CCDC178: variants seen among roughly 807,000 people sequenced by gnomAD.
CCDC178 encodes coiled-coil domain containing 178, also known as coiled-coil domain-containing protein 178.
CCDC178 carries 126 observed loss-of-function variants against 117.4 expected under a neutral mutation model. That is an observed-to-expected ratio of 1.07 (90% CI 0.93 to 1.24). The LOEUF is 1.24. Ranked by LOEUF, CCDC178 falls within the 50% of genes most tolerant of loss-of-function variation. CCDC178 has a pLI of 0.00. For missense variants in CCDC178, 1,030 were observed against 986.9 expected, an observed-to-expected ratio of 1.04 and a Z score of -0.59; for synonymous variants, 283 against 313.4, an observed-to-expected ratio of 0.90 and a Z score of 1.02.
intron 21 of CCDC178, among the ~76,000 whole-genome samples, chr18:32,982,371 G>A (rs1193693654): frequency 1.3e-5 from 2 of 152,026 alleles, no homozygotes; most frequent in Non-Finnish European, 1.5e-5. Context: ...ACTATAAATT[G>A]TTTTGCCAGG....
chr18:32,999,396 C>T (rs149728931), intron 21 of CCDC178, among the ~76,000 whole-genome samples: 1 of 152,190 alleles, frequency 6.6e-6, no homozygotes, highest in Admixed American at 6.5e-5. Context: ...TGGACCCACT[C>T]AGGGCCAGGG....
intron 22 of CCDC178, among the ~76,000 whole-genome samples, chr18:32,944,368 T>C (rs926947792): frequency 1.3e-5 from 2 of 152,132 alleles, no homozygotes; most frequent in African/African-American, 4.8e-5. Flanking sequence ...GCTAAAGATA[T>C]ATTTGGAAAG....
At chr18:33,398,863 CAAT>C (rs913248609) in intron 3 of CCDC178, among the ~76,000 whole-genome samples, 2 of 152,062 alleles carry the variant, frequency 1.3e-5, no homozygotes, top group Admixed American at 6.6e-5. Context: ...ATATCTAAAA[CAAT>C]AAAATATTTC....
intron 22 of CCDC178, among the ~76,000 whole-genome samples, chr18:32,968,094 C>T (rs944832093): frequency 6.6e-6 from 1 of 151,754 alleles, no homozygotes; most frequent in Non-Finnish European, 1.5e-5. Flanking sequence ...ACTTATTTCT[C>T]CTGTCTAATT....
At chr18:33,011,403 C>T (rs1302778304) in intron 21 of CCDC178, among the ~76,000 whole-genome samples, 1 of 152,032 alleles carries the variant, frequency 6.6e-6, no homozygotes, top group Non-Finnish European at 1.5e-5. Context: ...AGATGTTTTG[C>T]TTTGGTGATA....
intron 8 of CCDC178, among the ~76,000 whole-genome samples, chr18:33,347,145 T>TG (rs2062907343): frequency 6.6e-6 from 1 of 152,138 alleles, no homozygotes; most frequent in African/African-American, 2.4e-5. Flanking sequence ...GTCCTATCCT[T>TG]GTAGGACTGA....
chr18:33,070,175 G>C (rs965852381), intron 21 of CCDC178, among the ~76,000 whole-genome samples: 10 of 151,958 alleles, frequency 6.6e-5, no homozygotes, highest in Non-Finnish European at 1.0e-4. Flanking sequence ...CACTACTGGG[G>C]TATTTATCCA....
At chr18:33,191,128 T>C (rs904592301) in intron 20 of CCDC178, among the ~76,000 whole-genome samples, 1 of 152,166 alleles carries the variant, frequency 6.6e-6, no homozygotes, top group Non-Finnish European at 1.5e-5. Context: ...TCTAAGAAAT[T>C]AGATTACCAC....
rs769033795 is a variant in CCDC178, at chr18:33,212,000, G to A, written c.2134C>T (p.His712Tyr). The A allele has an allele frequency of 5.0e-6, 8 of 1,606,656 alleles. No homozygotes were observed. Among genetic ancestry groups the A allele is most frequent in the South Asian group, 3.3e-5 (3 of 89,990 alleles). Residue 712 changes from histidine (H) to tyrosine (Y), a missense_variant, in exon 20 of 23, where the codon CAT becomes TAT. Coordinates refer to ENST00000383096, the MANE Select transcript of CCDC178 (RefSeq NM_001105528.4). ...KREHAQTVFD[H>Y]YMQEKKDCEE... Reference sequence around the variant, plus strand: ...CAGTCTTTTTTCTCTTGCATATAATGATCAAACACAGTTTGTGCATGTTCC... The same window carrying A: ...CAGTCTTTTTTCTCTTGCATATAATAATCAAACACAGTTTGTGCATGTTCC...
intron 20 of CCDC178, among the ~76,000 whole-genome samples, chr18:33,207,716 T>TA (rs1040270743): frequency 6.6e-6 from 1 of 151,766 alleles, no homozygotes; most frequent in Non-Finnish European, 1.5e-5. Flanking sequence ...ATGCAGAAAA[T>TA]AAAAAATCTA....
At chr18:33,294,606 A>G (rs1298429293) in intron 11 of CCDC178, among the ~76,000 whole-genome samples, 1 of 152,208 alleles carries the variant, frequency 6.6e-6, no homozygotes, top group African/African-American at 2.4e-5. Context: ...AGGAACAAAC[A>G]AATAGGCAAG....
At chr18:33,129,346 A>G (rs1016208604) in intron 20 of CCDC178, among the ~76,000 whole-genome samples, 6 of 152,122 alleles carry the variant, frequency 3.9e-5, no homozygotes, top group African/African-American at 1.4e-4. Context: ...AGAATAAAAC[A>G]TTAACTCCCT....
At chr18:33,044,318 G>T (rs1302218564) in intron 21 of CCDC178, among the ~76,000 whole-genome samples, 3 of 151,938 alleles carry the variant, frequency 2.0e-5, no homozygotes, top group Non-Finnish European at 2.9e-5. Flanking sequence ...TGACGATACT[G>T]CCCAAAACAA....
chr18:33,404,430 T>C (rs1481477079), intron 3 of CCDC178, among the ~76,000 whole-genome samples: 1 of 151,586 alleles, frequency 6.6e-6, no homozygotes, highest in Non-Finnish European at 1.5e-5. Context: ...GCTATAATAA[T>C]AAAGTAAAAA....
At chr18:33,210,509 G>A (rs1483498951) in intron 20 of CCDC178, among the ~76,000 whole-genome samples, 3 of 152,068 alleles carry the variant, frequency 2.0e-5, no homozygotes, top group African/African-American at 7.2e-5. Flanking sequence ...TTATAGTGCT[G>A]GAATGCCAGT....
intron 21 of CCDC178, among the ~76,000 whole-genome samples, chr18:33,071,042 AAAGAG>A (rs2057099935): frequency 6.6e-6 from 1 of 152,150 alleles, no homozygotes; most frequent in African/African-American, 2.4e-5. Flanking sequence ...AAAATACAAG[AAAGAG>A]AAAATAGTAT....
At chr18:33,261,229 G>A (rs181486352) in intron 14 of CCDC178, among the ~76,000 whole-genome samples, 1 of 152,156 alleles carries the variant, frequency 6.6e-6, no homozygotes, top group East Asian at 1.9e-4. Context: ...GGCTACAGGC[G>A]CCCGCCACCA....
chr18:33,389,630 C>A lies in CCDC178; in HGVS notation c.119-1G>T. 6.9e-7 allele frequency: 1 copy of A among 1,454,252 alleles called. No homozygotes were observed. Among genetic ancestry groups the A allele is most frequent in the Non-Finnish European group, 9.1e-7 (1 of 1,093,982 alleles). 90.1% of individuals were successfully genotyped at this position (1,454,252 alleles called of 1,614,324 possible). A position where few individuals can be genotyped will look rare whatever the true frequency, so the allele number is the denominator to read the frequency against. Reference sequence around the variant, plus strand: ...ACCAAACTTTGAGACATGGCATTGCCTTTTAAAAAGAAAAAATACATATTT... The same window carrying A: ...ACCAAACTTTGAGACATGGCATTGCATTTTAAAAAGAAAAAATACATATTT... On this transcript the variant is annotated splice_acceptor_variant, in intron 4 of 22. Coordinates refer to ENST00000383096, the MANE Select transcript of CCDC178 (RefSeq NM_001105528.4). LOFTEE classifies it high-confidence loss of function.
intron 21 of CCDC178, among the ~76,000 whole-genome samples, chr18:33,055,456 C>T (rs941767399): frequency 5.3e-5 from 8 of 151,942 alleles, no homozygotes; most frequent in African/African-American, 1.9e-4. Flanking sequence ...CCCGCCTCAG[C>T]CTCCTGTGTA....
Sources: gnomAD v4.1 joint callset for allele counts (sites outside exome capture counted in the v4.1 genomes callset) on GRCh38, gnomAD v4.1.1 for gene constraint, MANE v1.5 for transcripts, NCBI Gene and HGNC (gene_info 2026-07-23, HGNC 2026-07-21) for gene names.